Variants in SRFBP1 observed in about 807,000 individuals in gnomAD.
The protein encoded by SRFBP1 is serum response factor binding protein 1.
Under a neutral mutation model 45.5 loss-of-function variants are expected in SRFBP1, and 47 were observed. The observed-to-expected ratio is 1.03, with a 90% confidence interval of 0.82 to 1.32. SRFBP1 has a LOEUF of 1.32. Among genes scored for constraint, SRFBP1 ranks in the 40% most tolerant of loss-of-function variants. SRFBP1 has a pLI of 0.00. For missense variants in SRFBP1, 621 were observed against 484.6 expected (o/e 1.28, Z -2.64); for synonymous variants, 203 against 166.3 (o/e 1.22, Z -1.70).
At chr5:122,029,864 A>C (rs1753562448), downstream of SRFBP1, among the ~76,000 whole-genome samples, 1 of 152,194 alleles carries the variant, frequency 6.6e-6, no homozygotes, top group South Asian at 2.1e-4. Flanking sequence ...TTTAGTGCTC[A>C]AATTCTACTT....
intron 4 of SRFBP1, among the ~76,000 whole-genome samples, chr5:122,016,519 C>CT (rs1753196993): frequency 6.6e-6 from 1 of 152,108 alleles, no homozygotes; most frequent in Non-Finnish European, 1.5e-5. Flanking sequence ...GTTTTATTAT[C>CT]TGAAATCTTG....
intron 2 of SRFBP1, among the ~76,000 whole-genome samples, chr5:122,037,108 G>A (rs1217844778): frequency 1.3e-5 from 2 of 152,060 alleles, no homozygotes; most frequent in Non-Finnish European, 2.9e-5. Flanking sequence ...ATATTGATCA[G>A]GCTGGTCTCC....
At chr5:122,008,211 C>T (rs1338063380) in intron 4 of SRFBP1, among the ~76,000 whole-genome samples, 3 of 152,028 alleles carry the variant, frequency 2.0e-5, no homozygotes, top group Non-Finnish European at 2.9e-5. Flanking sequence ...GGATCATCCT[C>T]AGCTGAGGGC....
intron 4 of SRFBP1, among the ~76,000 whole-genome samples, chr5:122,012,320 G>T (rs895972531): frequency 6.6e-6 from 1 of 151,994 alleles, no homozygotes; most frequent in Non-Finnish European, 1.5e-5. Context: ...TATTAAATTT[G>T]ACTTTCTCTT....
At chr5:122,029,883 T>C (rs73795208), downstream of SRFBP1, among the ~76,000 whole-genome samples, 45,178 of 152,094 alleles carry the variant, frequency 0.3, 9,384 homozygotes, top group African/African-American at 0.59. Context: ...TTAATTTGGC[T>C]AGTGGGAGCC....
downstream of SRFBP1, chr5:122,078,113 G>A (rs1754697282): frequency 1.2e-6 from 1 of 863,588 alleles, no homozygotes; most frequent in Non-Finnish European, 1.6e-6. Context: ...GGGTATCTCA[G>A]TCTCCACCAA....
In SRFBP1 at chr5:122,039,342, T is replaced by C. The variant is rs143281793; in HGVS notation, n.311+16935T>C. On this transcript the variant is annotated intron_variant and non_coding_transcript_variant, in intron 2 of 2. Coordinates refer to the SRFBP1 transcript ENST00000504881. Reference sequence around the variant, plus strand: ...TGGTTATAGTAACTGGATGGAACTTTGAATTGCCTCTGTTGAGGAAGGAGG... The same window carrying C: ...TGGTTATAGTAACTGGATGGAACTTCGAATTGCCTCTGTTGAGGAAGGAGG... 5.7e-3 allele frequency among the ~76,000 whole-genome samples: 867 copies of C among 152,290 alleles called. 6 individuals are homozygous for C. The highest frequency in any genetic ancestry group is 6.7e-3 in the Non-Finnish European group (454 of 68,024).
In SRFBP1 at chr5:122,070,068, C is replaced by G. The variant is rs186028768; in HGVS notation, n.312-5247C>G. 3.1e-6 allele frequency: 5 copies of G among 1,611,030 alleles called. No individual in the cohort carries two copies. In the South Asian group the frequency reaches 3.3e-5, roughly 11 times the overall value. ...TAACACTTACGGTGAAATTGTGCAGCCTGAGGCATACGCATGATGTCCTGT... is the reference window on the plus strand; with the variant it reads ...TAACACTTACGGTGAAATTGTGCAGGCTGAGGCATACGCATGATGTCCTGT... On this transcript the variant is annotated intron_variant and non_coding_transcript_variant, in intron 2 of 2. Coordinates refer to the SRFBP1 transcript ENST00000504881.
At chr5:122,025,778 A>T (rs1051169351) in intron 7 of SRFBP1, among the ~76,000 whole-genome samples, 1 of 152,160 alleles carries the variant, frequency 6.6e-6, no homozygotes, top group Non-Finnish European at 1.5e-5. Context: ...TAACATTTTT[A>T]CATTTGTTTT....
chr5:121,977,682 C>G (rs533208703), intron 3 of SRFBP1, among the ~76,000 whole-genome samples: 7 of 152,228 alleles, frequency 4.6e-5, no homozygotes, highest in Non-Finnish European at 1.0e-4. Flanking sequence ...GGCTCAGACA[C>G]TGCTTCATTT....
chr5:122,044,053 A>G (rs1054088338), intron 2 of SRFBP1, among the ~76,000 whole-genome samples: 1 of 151,946 alleles, frequency 6.6e-6, no homozygotes, highest in Non-Finnish European at 1.5e-5. Context: ...TTCCTCTCCT[A>G]GTAGCCACGT....
intron 4 of SRFBP1, among the ~76,000 whole-genome samples, chr5:122,006,038 T>G (rs1055603282): frequency 6.6e-6 from 1 of 152,184 alleles, no homozygotes; most frequent in African/African-American, 2.4e-5. Flanking sequence ...TTCTTTTCTT[T>G]CAACTCAAAG....
chr5:122,070,418 T>C (rs1445594947), intron 2 of SRFBP1: 2 of 789,644 alleles, frequency 2.5e-6, no homozygotes, highest in Non-Finnish European at 4.3e-6. Flanking sequence ...ACCATGATTA[T>C]TTAACATTTG....
downstream of SRFBP1, among the ~76,000 whole-genome samples, chr5:122,031,783 A>C (rs1248772236): frequency 1.8e-4 from 28 of 152,220 alleles, no homozygotes; most frequent in Non-Finnish European, 2.9e-5. Flanking sequence ...TTATGCATAC[A>C]GTGGACTGGA....
chr5:121,973,057 T>TA (rs545349379), intron 1 of SRFBP1, among the ~76,000 whole-genome samples: 85 of 151,906 alleles, frequency 5.6e-4, no homozygotes, highest in Non-Finnish European at 9.3e-4. Context: ...GGAAGAGCCT[T>TA]AAAGAAACAG....
intron 4 of SRFBP1, among the ~76,000 whole-genome samples, chr5:122,013,696 C>G (rs1301863751): frequency 6.6e-6 from 1 of 152,120 alleles, no homozygotes; most frequent in East Asian, 1.9e-4. Context: ...ATTTTAATGA[C>G]TTAACTGTTT....
At chr5:121,965,539 A>G (rs918927124) in intron 1 of SRFBP1, among the ~76,000 whole-genome samples, 1 of 152,038 alleles carries the variant, frequency 6.6e-6, no homozygotes, top group Admixed American at 6.6e-5. Context: ...GTTCTGTTCC[A>G]TTGGTCTATA....
intron 2 of SRFBP1, chr5:122,066,682 A>AT (rs1754308252): frequency 2.8e-6 from 4 of 1,433,862 alleles, no homozygotes; most frequent in South Asian, 1.2e-5. Flanking sequence ...AAGTTAGTCT[A>AT]TTTTTTCCCA....
chr5:121,971,300 A>C (rs563749789), intron 1 of SRFBP1, among the ~76,000 whole-genome samples: 2 of 152,178 alleles, frequency 1.3e-5, no homozygotes, highest in African/African-American at 4.8e-5. Context: ...ATAGGGAAAA[A>C]AGTGGTACAA....
Sources: allele counts gnomAD v4.1 joint callset (sites outside exome capture counted in the v4.1 genomes callset), GRCh38; gene constraint gnomAD v4.1.1; transcripts MANE v1.5; gene names NCBI Gene and HGNC (gene_info 2026-07-23, HGNC 2026-07-21).